Variants in MPRIP observed in about 807,000 individuals in gnomAD.
MPRIP encodes myosin phosphatase Rho interacting protein, also known as myosin phosphatase Rho-interacting protein.
A neutral mutation model predicts 234.9 loss-of-function variants in MPRIP; 59 were observed. The ratio of observed to expected loss-of-function variants is 0.25; its 90% CI spans 0.20 to 0.31. The LOEUF (loss-of-function observed/expected upper bound fraction) is 0.31. Among genes scored for constraint, MPRIP ranks in the 10% least tolerant of loss-of-function variants. MPRIP has a pLI of 1.00. For synonymous variants in MPRIP, 1,144 were observed against 1,263.9 expected, an observed-to-expected ratio of 0.91 and a Z score of 2.01; for missense variants, 2,436 against 3,071.0, an observed-to-expected ratio of 0.79 and a Z score of 4.89.
chr17:17,111,169 G>A (rs12451153), intron 3 of MPRIP, among the ~76,000 whole-genome samples: 809 of 50,898 alleles, frequency 0.016, 9 homozygotes, highest in African/African-American at 0.054. Context: ...AAAAAAAAAA[G>A]AAAAAACCTC....
intron 3 of MPRIP, among the ~76,000 whole-genome samples, chr17:17,089,524 G>T (rs888216704): frequency 2.6e-5 from 4 of 151,986 alleles, no homozygotes; most frequent in Non-Finnish European, 2.9e-5. Flanking sequence ...CTGGAGTGCA[G>T]TGGCGCAGTC....
At chr17:17,093,118 T>G (rs565535009) in intron 3 of MPRIP, among the ~76,000 whole-genome samples, 1 of 152,354 alleles carries the variant, frequency 6.6e-6, no homozygotes, top group African/African-American at 2.4e-5. Context: ...TCATATATTG[T>G]TAGCCTTTTC....
chr17:17,171,738 T>A lies in MPRIP; in HGVS notation c.6345T>A (p.Phe2115Leu), dbSNP rs1350444871. ...TGCAGGCCACGTGCGAGCGAGGGTT[T>A]GCAGCAATGGAAGAAACGCACCAGA... ...ESLKATCERG[F>L]AAMEETHQKK... Residue 2115 changes from phenylalanine to leucine, a missense_variant, in exon 17 of 24, where the codon TTT becomes TTA. Physicochemically the swap from Phe to Leu is conservative, Grantham distance 22 (BLOSUM62 0). Coordinates refer to ENST00000651222, the MANE Select transcript of MPRIP (RefSeq NM_001364716.4). The A allele has an allele frequency of 6.2e-7, 1 of 1,613,252 alleles. No individual in the cohort carries two copies. The highest frequency in any genetic ancestry group is 1.1e-5 in the South Asian group (1 of 91,060).
chr17:17,129,551 G>C (rs1490166475), intron 4 of MPRIP, among the ~76,000 whole-genome samples: 7 of 152,298 alleles, frequency 4.6e-5, no homozygotes, highest in Admixed American at 1.3e-4. Context: ...AGATTAAGTT[G>C]CATAATGGGA....
At position 17,179,891 on chromosome 17, in the gene MPRIP, C is replaced by A. The variant is rs990750525; in HGVS notation, c.7121-112C>A. On this transcript the variant is annotated intron_variant, in intron 22 of 23. Coordinates refer to ENST00000651222, the MANE Select transcript of MPRIP (RefSeq NM_001364716.4). ...CCCTTAGAGTTGTTTAAGGAATTGT[C>A]CTAAGTATGCTGCAGTAGGAAGCTT... 1.6e-5 allele frequency: 13 copies of A among 837,748 alleles called. No homozygotes were observed. In the African/African-American group the frequency reaches 2.3e-4, roughly 15 times the overall value. The allele number at this position is 837,748 out of a possible 1,614,324, so 51.9% of individuals were successfully genotyped here. A position where few individuals can be genotyped will look rare whatever the true frequency, so the allele number is the denominator to read the frequency against.
intron 3 of MPRIP, among the ~76,000 whole-genome samples, chr17:17,091,447 G>C (rs1051947087): frequency 6.6e-6 from 1 of 152,194 alleles, no homozygotes; most frequent in African/African-American, 2.4e-5. Context: ...GGATTGGTGT[G>C]AACAGGGCAG....
At position 17,186,309 on chromosome 17, in the gene MPRIP, A is replaced by C. The variant is rs1287601441; in HGVS notation, c.*1415A>C. On this transcript the variant is annotated 3_prime_UTR_variant, in exon 24 of 24. Coordinates refer to ENST00000651222, the MANE Select transcript of MPRIP (RefSeq NM_001364716.4). ...ATCCTGTTGCTCAGTTTCTAGATGA[A>C]GTCATGAGCAAGGCCATCAGTGGAG... is the stretch of plus-strand genomic sequence containing the variant. 1 of 152,162 alleles carries C rather than the reference A, an allele frequency of 6.6e-6. No individual in the cohort carries two copies. Among genetic ancestry groups the C allele is most frequent in the African/African-American group, 2.4e-5 (1 of 41,438 alleles). 9.4% of individuals were successfully genotyped at this position (152,162 alleles called of 1,614,324 possible).
chr17:17,057,022 C>T (rs924384350), intron 1 of MPRIP, among the ~76,000 whole-genome samples: 5 of 152,248 alleles, frequency 3.3e-5, no homozygotes, highest in African/African-American at 7.2e-5. Context: ...GATAGTGCTG[C>T]TGTGAACACA....
chr17:17,073,129 GCTCT>G (rs2089239720), intron 1 of MPRIP, among the ~76,000 whole-genome samples: 2 of 152,060 alleles, frequency 1.3e-5, no homozygotes, highest in Non-Finnish European at 2.9e-5. Context: ...CCACTCCTCT[GCTCT>G]CTATCACTCT....
chr17:17,171,669 A>T (rs959524878), intron 16 of MPRIP, 49 bp from the exon 17 acceptor site: 1 of 1,592,356 alleles, frequency 6.3e-7, no homozygotes, highest in East Asian at 2.2e-5. Flanking sequence ...AGGGCCCCCA[A>T]CTTAGAGGTA....
intron 1 of MPRIP, among the ~76,000 whole-genome samples, chr17:17,063,954 C>T (rs1453619014): frequency 2.0e-5 from 3 of 152,204 alleles, no homozygotes; most frequent in Non-Finnish European, 4.4e-5. Context: ...CAGCTGGGTT[C>T]ATCCTGGCAT....
At chr17:17,083,407 T>C (rs919298403) in intron 3 of MPRIP, among the ~76,000 whole-genome samples, 2 of 152,292 alleles carry the variant, frequency 1.3e-5, no homozygotes, top group African/African-American at 4.8e-5. Flanking sequence ...TTGCTTCCTA[T>C]AGGAGAGTGT....
intron 3 of MPRIP, among the ~76,000 whole-genome samples, chr17:17,086,329 A>T (rs1164579338): frequency 6.6e-6 from 1 of 152,180 alleles, no homozygotes; most frequent in Non-Finnish European, 1.5e-5. Flanking sequence ...CCTCCACCCG[A>T]CTTGACTTTT....
chr17:17,080,389 G>A (rs2089435106), intron 3 of MPRIP, among the ~76,000 whole-genome samples: 1 of 152,232 alleles, frequency 6.6e-6, no homozygotes, highest in Admixed American at 6.5e-5. Flanking sequence ...CCTGAGCTGA[G>A]AGTCCCACCC....
At chr17:17,056,140 A>G (rs1402204556) in intron 1 of MPRIP, among the ~76,000 whole-genome samples, 2 of 152,112 alleles carry the variant, frequency 1.3e-5, no homozygotes, top group African/African-American at 4.8e-5. Flanking sequence ...CCACCTTGGC[A>G]TGTGCGGGGA....
intron 1 of MPRIP, among the ~76,000 whole-genome samples, chr17:17,043,218 C>G (rs1227839633): frequency 2.0e-5 from 3 of 152,136 alleles, no homozygotes; most frequent in African/African-American, 4.8e-5. Context: ...TTTTGGGTGA[C>G]TCAAAAGTGC....
At chr17:17,089,519 G>A (rs2089666449) in intron 3 of MPRIP, among the ~76,000 whole-genome samples, 1 of 151,904 alleles carries the variant, frequency 6.6e-6, no homozygotes, top group Non-Finnish European at 1.5e-5. Context: ...CTATCCTGGA[G>A]TGCAGTGGCG....
At chr17:17,137,780 G>A (rs1286833895) in intron 6 of MPRIP, 136 bp from the exon 7 acceptor site, 45 of 603,438 alleles carry the variant, frequency 7.5e-5, no homozygotes, top group Non-Finnish European at 1.1e-4. Flanking sequence ...CCCTTGAGTG[G>A]GGTGTGCTGG....
chr17:17,130,963 A>G (rs1282292144), intron 4 of MPRIP, among the ~76,000 whole-genome samples: 2 of 152,182 alleles, frequency 1.3e-5, no homozygotes, highest in African/African-American at 4.8e-5. Context: ...TTGTGCTGGG[A>G]TAGTGGCAGA....
Sources: allele counts gnomAD v4.1 joint callset (sites outside exome capture counted in the v4.1 genomes callset), GRCh38; gene constraint gnomAD v4.1.1; transcripts MANE v1.5; gene names NCBI Gene and HGNC (gene_info 2026-07-23, HGNC 2026-07-21).